GBF1: variants seen among roughly 807,000 people sequenced by gnomAD.
The protein encoded by GBF1 is Golgi-specific brefeldin A-resistance guanine nucleotide exchange factor 1.
A neutral mutation model predicts 210.5 loss-of-function variants in GBF1; 114 were observed. The ratio of observed to expected loss-of-function variants is 0.54; its 90% CI spans 0.47 to 0.63. The LOEUF (loss-of-function observed/expected upper bound fraction) is 0.63. Ranked by LOEUF, GBF1 falls within the 30% of genes least tolerant of loss-of-function variation. GBF1 has a pLI of 0.00. For synonymous variants in GBF1, 850 were observed against 889.2 expected (o/e 0.96, Z 0.78); for missense variants, 1,851 against 2,357.7 (o/e 0.79, Z 4.45).
chr10:102,329,043 T>C (rs978603203), intron 3 of GBF1, among the ~76,000 whole-genome samples: 7 of 152,220 alleles, frequency 4.6e-5, no homozygotes, highest in African/African-American at 1.7e-4. Context: ...CTTGGTCTTC[T>C]ACAGTGCATG....
intron 3 of GBF1, among the ~76,000 whole-genome samples, chr10:102,309,769 A>G (rs2133960794): frequency 6.6e-6 from 1 of 152,298 alleles, no homozygotes; most frequent in South Asian, 2.1e-4. Flanking sequence ...GTAGAATGAA[A>G]GGTAAGATTT....
intron 3 of GBF1, among the ~76,000 whole-genome samples, chr10:102,265,647 T>C (rs568612971): frequency 6.6e-6 from 1 of 152,312 alleles, no homozygotes; most frequent in East Asian, 1.9e-4. Context: ...ATTGCGCCAC[T>C]GTACTCTAGC....
At chr10:102,249,181 G>A (rs980039182) in intron 1 of GBF1, among the ~76,000 whole-genome samples, 1 of 152,192 alleles carries the variant, frequency 6.6e-6, no homozygotes. Flanking sequence ...AACAAAATGG[G>A]CAGGCCTTAT....
intron 3 of GBF1, among the ~76,000 whole-genome samples, chr10:102,341,881 GA>G (rs755665449): frequency 1.1e-4 from 17 of 152,030 alleles, no homozygotes; most frequent in Non-Finnish European, 2.2e-4. Context: ...TGAAATCACA[GA>G]AAATCTGTAC....
At chr10:102,317,755 T>A (rs752342868) in intron 3 of GBF1, among the ~76,000 whole-genome samples, 14 of 152,230 alleles carry the variant, frequency 9.2e-5, no homozygotes, top group Non-Finnish European at 1.6e-4. Flanking sequence ...TCATATTCTA[T>A]ACATTTTTGC....
chr10:102,350,098 C>G (rs1254185356), intron 4 of GBF1, among the ~76,000 whole-genome samples: 2 of 152,154 alleles, frequency 1.3e-5, no homozygotes, highest in Non-Finnish European at 2.9e-5. Context: ...CACCTGTAAT[C>G]CCAGCACTTT....
chr10:102,360,992 ACT>A, intron 12 of GBF1, 28 bp from the exon 13 acceptor site: 29 of 1,157,618 alleles, frequency 2.5e-5, no homozygotes, highest in Non-Finnish European at 3.6e-5. Flanking sequence ...AAAAAAAAAA[ACT>A]CATGGCCTAC....
rs1389056811 is a variant in GBF1 at position 102,299,902 on chromosome 10, TATC to T, written c.163+39789_163+39791del. Among the ~76,000 whole-genome samples, 9 of 152,360 alleles carry T rather than the reference TATC, an allele frequency of 5.9e-5. No homozygotes were observed. In the East Asian group the frequency reaches 1.5e-3, roughly 26 times the overall value. ...TAAATTATTTTTATTATTGTTATTT[TATC>T]ATTGTTATTAAAAGTATGATATTAA... On this transcript the variant is annotated intron_variant, in intron 3 of 39. Coordinates refer to ENST00000369983, the MANE Select transcript of GBF1 (RefSeq NM_001377137.1).
Position 102,380,339 on chromosome 10 carries a change from C to A in GBF1, c.4969C>A (p.His1657Asn), listed in dbSNP as rs754952619. The A allele has an allele frequency of 6.2e-7, 1 of 1,612,956 alleles. No individual in the cohort carries two copies. Residue 1657 changes from histidine to asparagine, a missense_variant, in exon 37 of 40, where the codon CAC becomes AAC. Transcript: ENST00000369983. ...TILDFMDKYMHAGSSDLLSEA... is the reference protein window; with the variant it reads ...TILDFMDKYMNAGSSDLLSEA... ...CTTGGACTTCATGGACAAGTACATGCACGCAGGCTCCAGCGACTTACTGGT... is the reference window on the plus strand; with the variant it reads ...CTTGGACTTCATGGACAAGTACATGAACGCAGGCTCCAGCGACTTACTGGT...
chr10:102,323,777 G>A (rs1310156224), intron 3 of GBF1, among the ~76,000 whole-genome samples: 1 of 152,110 alleles, frequency 6.6e-6, no homozygotes, highest in Non-Finnish European at 1.5e-5. Context: ...GGAATCTGAA[G>A]GGGGTAGCAA....
At chr10:102,232,320 G>C in the GBF1 span, among the ~76,000 whole-genome samples, 1 of 152,160 alleles carries the variant, frequency 6.6e-6, no homozygotes, top group Non-Finnish European at 1.5e-5. Flanking sequence ...ACTTCGTTTC[G>C]TTTACTGCTG....
rs1268060754 is a variant in GBF1 at position 102,381,613 on chromosome 10, A to G, written c.5302+358A>G. Among the ~76,000 whole-genome samples, 6 of 152,136 alleles carry G rather than the reference A, an allele frequency of 3.9e-5. No homozygotes were observed. The East Asian group carries it at 1.2e-3, about 29-fold the overall frequency. On this transcript the variant is annotated intron_variant, in intron 39 of 39. Coordinates refer to ENST00000369983, the MANE Select transcript of GBF1 (RefSeq NM_001377137.1). ...TGAGGCAGGTAGATCACCTGAGGTC[A>G]GGAGTTTGAAACCAGCCTGGCCAAC...
chr10:102,359,360 G>A lies in GBF1; in HGVS notation c.1105G>A (p.Asp369Asn). The A allele has an allele frequency of 6.2e-7, 1 of 1,613,262 alleles. No homozygotes were observed. Among genetic ancestry groups the A allele is most frequent in the Non-Finnish European group, 8.5e-7 (1 of 1,179,218 alleles). ...EECTSPADHS[D>N]SASVHDMDYV... ...GTGCACGTCCCCTGCCGACCACTCT[G>A]ACTCTGCCTCTGTCCATGACATGGA... The change falls in exon 11 of 40, where the codon GAC becomes AAC. Residue 369 changes from aspartate (D) to asparagine (N), a missense_variant. Asp to Asn is a conservative substitution (Grantham distance 23, BLOSUM62 1). Coordinates refer to ENST00000369983, the MANE Select transcript of GBF1 (RefSeq NM_001377137.1).
chr10:102,311,524 CTA>C (rs1254355457), intron 3 of GBF1, among the ~76,000 whole-genome samples: 3 of 152,204 alleles, frequency 2.0e-5, no homozygotes, highest in Non-Finnish European at 4.4e-5. Flanking sequence ...GCTATTGCTT[CTA>C]TGTGTTTGTC....
intron 3 of GBF1, among the ~76,000 whole-genome samples, chr10:102,338,234 CTTCT>C (rs1286195170): frequency 6.1e-5 from 8 of 131,152 alleles, no homozygotes; most frequent in African/African-American, 2.5e-4. Flanking sequence ...CAACAACCTT[CTTCT>C]TTTTTTTTTT....
chr10:102,341,587 C>G (rs2058185476), intron 3 of GBF1, among the ~76,000 whole-genome samples: 1 of 152,036 alleles, frequency 6.6e-6, no homozygotes, highest in South Asian at 2.1e-4. Context: ...TACATACAGG[C>G]AATGAATACT....
chr10:102,319,690 T>A (rs1258557862), intron 3 of GBF1, among the ~76,000 whole-genome samples: 1 of 151,696 alleles, frequency 6.6e-6, no homozygotes, highest in South Asian at 2.1e-4. Context: ...TTGTTTATGC[T>A]ATGTCCATTT....
chr10:102,353,310 G>A lies in GBF1; in HGVS notation c.585-290G>A, dbSNP rs76261282. Among the ~76,000 whole-genome samples, 381 of 152,202 alleles carry A rather than the reference G, an allele frequency of 2.5e-3. 1 individual carries two copies. Among genetic ancestry groups the A allele is most frequent in the African/African-American group, 8.7e-3 (361 of 41,508 alleles). On this transcript the variant is annotated intron_variant, in intron 7 of 39. Coordinates refer to ENST00000369983, the MANE Select transcript of GBF1 (RefSeq NM_001377137.1). Reference sequence around the variant, plus strand: ...ATCTCTTGGCAGCAGTATTTGCCAAGTAAATATAAGCAGGAAGGAATCAGT... The same window carrying A: ...ATCTCTTGGCAGCAGTATTTGCCAAATAAATATAAGCAGGAAGGAATCAGT...
rs764162952 is a variant in GBF1 at position 102,362,534 on chromosome 10, A to G, written c.1746A>G (p.Leu582=). 6.8e-6 allele frequency: 11 copies of G among 1,613,782 alleles called. No individual in the cohort carries two copies. In the East Asian group the frequency reaches 2.0e-4, roughly 29 times the overall value. The part of the protein sequence containing the change: ...YTTHLLSLDA[L]LTVIDSTEAH... ...CACACCTACTATCTCTTGATGCCCT[A>G]TTGACAGTGATTGACAGCACCGAGG... Residue 582 remains leucine, a synonymous_variant, in exon 15 of 40, where the codon CTA becomes CTG. Coordinates refer to ENST00000369983, the MANE Select transcript of GBF1 (RefSeq NM_001377137.1).
Sources: gnomAD v4.1 joint callset for allele counts (sites outside exome capture counted in the v4.1 genomes callset) on GRCh38, gnomAD v4.1.1 for gene constraint, MANE v1.5 for transcripts, NCBI Gene and HGNC (gene_info 2026-07-23, HGNC 2026-07-21) for gene names.